GLG1: variants seen among roughly 807,000 people sequenced by gnomAD.
The protein encoded by GLG1 is Golgi apparatus protein 1.
A neutral mutation model predicts 160.5 loss-of-function variants in GLG1; 38 were observed. The observed-to-expected ratio is 0.24, with a 90% CI of 0.18 to 0.31. The LOEUF (loss-of-function observed/expected upper bound fraction) is 0.31. GLG1 is among the 10% of genes least tolerant of loss of function. GLG1 has a pLI of 1.00. For missense variants in GLG1, 1,373 were observed against 1,505.2 expected (o/e 0.91, Z 1.45); for synonymous variants, 644 against 543.4 (o/e 1.19, Z -2.57).
chr16:74,459,853 T>TA, intron 22 of GLG1, 64 bp from the exon 23 acceptor site: 2 of 780,598 alleles, frequency 2.6e-6, no homozygotes, highest in Non-Finnish European at 4.1e-6. Context: ...GACAGTTTCT[T>TA]CTTTTTTTTT....
At chr16:74,510,529 G>A (rs1179572492) in intron 2 of GLG1, among the ~76,000 whole-genome samples, 2 of 152,190 alleles carry the variant, frequency 1.3e-5, no homozygotes, top group Non-Finnish European at 2.9e-5. Context: ...AGAGACTTGG[G>A]ATGATGTAGA....
chr16:74,485,635 C>A (rs968649), intron 9 of GLG1, among the ~76,000 whole-genome samples, 161 bp downstream of exon 9: 146,765 of 152,292 alleles, frequency 0.96, 70,970 homozygotes, highest in East Asian at 1. Context: ...CCTAGGTTTT[C>A]ATTCCAATAC....
Position 74,491,220 on chromosome 16 carries a change from G to A in GLG1, c.1235-5C>T, listed in dbSNP as rs1292474574. 2.1e-5 allele frequency: 33 copies of A among 1,605,630 alleles called. No homozygotes were observed. The highest frequency in any genetic ancestry group is 2.7e-5 in the Non-Finnish European group (32 of 1,172,594). On this transcript the variant is annotated splice_region_variant and splice_polypyrimidine_tract_variant and intron_variant, in intron 7 of 25. Transcript: ENST00000422840. ...ACTCACTGCTGACTTGTCGCCCTAAGTTAGGATGTAAGTCATAACATTACG... is the reference window on the plus strand; with the variant it reads ...ACTCACTGCTGACTTGTCGCCCTAAATTAGGATGTAAGTCATAACATTACG...
chr16:74,516,855 AAAT>A (rs2016995203), intron 2 of GLG1, among the ~76,000 whole-genome samples: 2 of 152,216 alleles, frequency 1.3e-5, no homozygotes, highest in Non-Finnish European at 2.9e-5. Flanking sequence ...ACACAATAAA[AAAT>A]AATAAAGGGG....
At chr16:74,494,015 A>T (rs1363503575) in intron 6 of GLG1, among the ~76,000 whole-genome samples, 3 of 152,012 alleles carry the variant, frequency 2.0e-5, no homozygotes, top group Non-Finnish European at 4.4e-5. Flanking sequence ...TCTCTACTAA[A>T]AATACAAAAA....
chr16:74,503,570 G>T lies in GLG1; in HGVS notation c.735C>A (p.Ile245=). The change falls in exon 4 of 26, where the codon ATC becomes ATA. Residue 245 remains isoleucine (I), a synonymous_variant. Transcript: ENST00000422840. ...GAATACTGCCACATTTCAGAATGTT[G>T]ATGTCATTTTTGCAGTCATCCATGA... ...CGFMDDCKND[I]NILKCGSIRL... 4 of 1,613,480 alleles carry T rather than the reference G, an allele frequency of 2.5e-6. No homozygotes were observed. The highest frequency in any genetic ancestry group is 2.5e-6 in the Non-Finnish European group (3 of 1,179,474).
At chr16:74,479,374 T>C (rs189966558) in intron 11 of GLG1, among the ~76,000 whole-genome samples, 1 of 149,880 alleles carries the variant, frequency 6.7e-6, no homozygotes, top group East Asian at 2.0e-4. Flanking sequence ...TACCCCCTAG[T>C]CACTATAGTG....
chr16:74,575,289 T>C (rs2143799202), intron 1 of GLG1, among the ~76,000 whole-genome samples: 1 of 152,082 alleles, frequency 6.6e-6, no homozygotes, highest in East Asian at 1.9e-4. Context: ...TTAATACAAA[T>C]GAGTAAACTG....
intron 1 of GLG1, among the ~76,000 whole-genome samples, chr16:74,581,710 AGACCAGCCT>A (rs1957941664): frequency 6.6e-6 from 1 of 152,122 alleles, no homozygotes; most frequent in Non-Finnish European, 1.5e-5. Context: ...CAGGAGTTCG[AGACCAGCCT>A]GGCCAACATG....
chr16:74,499,714 A>C (rs1406793797), intron 4 of GLG1, among the ~76,000 whole-genome samples: 2 of 152,184 alleles, frequency 1.3e-5, no homozygotes, highest in Non-Finnish European at 2.9e-5. Context: ...GGTCATAACA[A>C]CACTTCTGGC....
chr16:74,589,353 C>A (rs1031075654), intron 1 of GLG1, among the ~76,000 whole-genome samples: 2 of 151,966 alleles, frequency 1.3e-5, no homozygotes, highest in African/African-American at 4.8e-5. Context: ...TTCATTCAAT[C>A]TAACAAAAAT....
chr16:74,603,717 T>C (rs1228344785), intron 1 of GLG1, among the ~76,000 whole-genome samples: 1 of 152,194 alleles, frequency 6.6e-6, no homozygotes, highest in Admixed American at 6.6e-5. Context: ...ACATCAAGCA[T>C]GCCTTCCTTA....
At chr16:74,580,075 A>C (rs1019830056) in intron 1 of GLG1, among the ~76,000 whole-genome samples, 1 of 152,144 alleles carries the variant, frequency 6.6e-6, no homozygotes, top group Non-Finnish European at 1.5e-5. Context: ...AAAAACAAAC[A>C]AAAAACCTTA....
chr16:74,527,028 A>C (rs1487298722), intron 2 of GLG1, among the ~76,000 whole-genome samples: 2 of 152,142 alleles, frequency 1.3e-5, no homozygotes, highest in Non-Finnish European at 2.9e-5. Flanking sequence ...CTGAACAATC[A>C]TTATGTGAAA....
intron 16 of GLG1, chr16:74,469,609 T>G: frequency 4.7e-6 from 1 of 214,920 alleles, no homozygotes. Context: ...TCTAATCCAA[T>G]ACAAAAACTG....
At chr16:74,558,783 T>A (rs1597346085) in intron 1 of GLG1, among the ~76,000 whole-genome samples, 1 of 152,382 alleles carries the variant, frequency 6.6e-6, no homozygotes, top group African/African-American at 2.4e-5. Context: ...GAAGGGCAGA[T>A]AAATGTTTCA....
rs917649079 is a variant in GLG1, at chr16:74,452,336, C to T, written c.*831G>A. 128 of 1,387,992 alleles carry T rather than the reference C, an allele frequency of 9.2e-5. No individual in the cohort carries two copies. Among genetic ancestry groups the T allele is most frequent in the Non-Finnish European group, 1.1e-4 (117 of 1,069,728 alleles). The allele number at this position is 1,387,992 out of a possible 1,614,324, so 86.0% of individuals were successfully genotyped here. ...CTGGAGGAGGAAGGTTCCTGGGATC[C>T]TGCTGCCCCGGGACTCAGGATCCAG... On this transcript the variant is annotated 3_prime_UTR_variant, in exon 26 of 26. Transcript: ENST00000422840.
intron 1 of GLG1, 40 bp from the exon 2 acceptor site, chr16:74,532,193 AATATAT>A (rs60422817): frequency 4.3e-5 from 14 of 324,622 alleles, no homozygotes; most frequent in South Asian, 1.6e-4. Context: ...TAAAAAAAAA[AATATAT>A]ATATATATAT....
chr16:74,587,280 G>A (rs1306319002), intron 1 of GLG1, among the ~76,000 whole-genome samples: 1 of 152,186 alleles, frequency 6.6e-6, no homozygotes, highest in East Asian at 1.9e-4. Flanking sequence ...CTGCAACACA[G>A]GGAGAGGGAA....
Sources: gnomAD v4.1 joint callset for allele counts (sites outside exome capture counted in the v4.1 genomes callset) on GRCh38, gnomAD v4.1.1 for gene constraint, MANE v1.5 for transcripts, NCBI Gene and HGNC (gene_info 2026-07-23, HGNC 2026-07-21) for gene names.